IZUMO4: variants seen among roughly 807,000 people sequenced by gnomAD.
IZUMO4 encodes the protein izumo sperm-egg fusion protein 4.
IZUMO4 carries 51 observed loss-of-function variants against 37.1 expected under a neutral mutation model. The observed-to-expected ratio is 1.38, with a 90% CI of 1.10 to 1.74. IZUMO4 has a LOEUF of 1.74. Ranked by LOEUF, IZUMO4 falls within the 40% of genes most tolerant of loss-of-function variation. The probability of loss-of-function intolerance (pLI) is 0.00; values close to 1 mark genes in which losing one functional copy is unlikely to be tolerated. For synonymous variants in IZUMO4, 162 were observed against 121.4 expected (o/e 1.33, Z -2.20); for missense variants, 364 against 299.6 (o/e 1.21, Z -1.59).
At position 2,099,497 on chromosome 19, in the gene IZUMO4, G is replaced by A; in HGVS notation, c.*152G>A. The A allele has an allele frequency of 5.0e-6, 2 of 398,882 alleles. No individual in the cohort carries two copies. Among genetic ancestry groups the A allele is most frequent in the South Asian group, 1.9e-5 (1 of 53,242 alleles). The allele number at this position is 398,882 out of a possible 1,614,324, so 24.7% of individuals were successfully genotyped here. A position where few individuals can be genotyped will look rare whatever the true frequency, so the allele number is the denominator to read the frequency against. On this transcript the variant is annotated 3_prime_UTR_variant, in exon 10 of 10. Coordinates refer to ENST00000395301, the MANE Select transcript of IZUMO4 (RefSeq NM_001039846.2). ...TGGCCAGGGCCAGGAGGGCGGGAGG[G>A]AGGGAATGGGGGTGGGCTGTGCGCA...
At position 2,099,469 on chromosome 19, in the gene IZUMO4, A is replaced by T; in HGVS notation, c.*124A>T. 6 of 409,934 alleles carry T rather than the reference A, an allele frequency of 1.5e-5. No individual in the cohort carries two copies. Among genetic ancestry groups the T allele is most frequent in the Non-Finnish European group, 2.4e-5 (5 of 206,822 alleles). The allele number at this position is 409,934 out of a possible 1,614,324, so 25.4% of individuals were successfully genotyped here. ...CCCTCTCCGACCCCGGACAGAGCTG[A>T]GCTGGCCAGGGCCAGGAGGGCGGGA... On this transcript the variant is annotated 3_prime_UTR_variant, in exon 10 of 10. Transcript: ENST00000395301.
intron 2 of IZUMO4, 44 bp downstream of exon 2, chr19:2,097,376 A>G: frequency 6.9e-7 from 1 of 1,443,428 alleles, no homozygotes; most frequent in Non-Finnish European, 9.6e-7. Context: ...ACCCCGGGAC[A>G]CCCCGCCCAC....
intron 7 of IZUMO4, 107 bp from the exon 8 acceptor site, chr19:2,098,680 G>A: frequency 6.4e-7 from 1 of 1,567,256 alleles, no homozygotes; most frequent in Non-Finnish European, 8.6e-7. Flanking sequence ...GTCCCCATAG[G>A]GTCTGGTTCC....
In IZUMO4 at chr19:2,096,997, T is replaced by C. The variant is rs571264343; in HGVS notation, c.52T>C (p.Cys18Arg). 63 of 1,610,654 alleles carry C rather than the reference T, an allele frequency of 3.9e-5. No individual in the cohort carries two copies. The East Asian group carries it at 1.1e-3, about 28-fold the overall frequency. Residue 18 changes from cysteine (C) to arginine (R), a missense_variant, in exon 1 of 10, where the codon TGT (cysteine) becomes CGT (arginine). Transcript: ENST00000395301. ...VCLTAALAHGCLHCHSNFSKK... is the reference protein window; with the variant it reads ...VCLTAALAHGRLHCHSNFSKK... Reference sequence around the variant, plus strand: ...CCTGACGGCGGCGCTGGCCCACGGCTGTCTGCACTGCCACAGCAACTTCTC... The same window carrying C: ...CCTGACGGCGGCGCTGGCCCACGGCCGTCTGCACTGCCACAGCAACTTCTC...
In IZUMO4 at chr19:2,097,074, G is replaced by A; in HGVS notation, c.129G>A (p.Val43=). 15 of 1,612,828 alleles carry A rather than the reference G, an allele frequency of 9.3e-6. No homozygotes were observed. The highest frequency in any genetic ancestry group is 1.2e-5 in the Non-Finnish European group (14 of 1,179,930). Residue 43 remains valine, a synonymous_variant, in exon 1 of 10, where the codon GTG becomes GTA. Coordinates refer to ENST00000395301, the MANE Select transcript of IZUMO4 (RefSeq NM_001039846.2). Reference sequence around the variant, plus strand: ...ATGTGAACTTCAAGTCCTGGTGGGTGGGCGACATCCCCGTGTCAGGGGCGC... The same window carrying A: ...ATGTGAACTTCAAGTCCTGGTGGGTAGGCGACATCCCCGTGTCAGGGGCGC... The part of the protein sequence containing the change: ...RHHVNFKSWW[V]GDIPVSGALL...
At position 2,097,248 on chromosome 19, in the gene IZUMO4, G is replaced by A; in HGVS notation, c.218-4G>A. The A allele has an allele frequency of 6.2e-7, 1 of 1,611,744 alleles. No individual in the cohort carries two copies. The highest frequency in any genetic ancestry group is 8.5e-7 in the Non-Finnish European group (1 of 1,179,230). On this transcript the variant is annotated splice_polypyrimidine_tract_variant and splice_region_variant and intron_variant, in intron 1 of 9. Transcript: ENST00000395301. ...GGTCACCTGGCTTCTCCTCCTGCCC[G>A]CAGCCCGGGAGAAGCTGGACCAAGT...
At chr19:2,098,697 T>C (rs1214521554) in intron 7 of IZUMO4, 90 bp from the exon 8 acceptor site, 4 of 1,576,338 alleles carry the variant, frequency 2.5e-6, no homozygotes, top group Non-Finnish European at 3.4e-6. Flanking sequence ...TTCCACCCCA[T>C]CCCAGGTCTG....
At chr19:2,098,241 G>T in intron 5 of IZUMO4, 46 bp from the exon 6 acceptor site, 1 of 1,613,116 alleles carries the variant, frequency 6.2e-7, no homozygotes. Context: ...GGTAGGGCGG[G>T]GCCGTGGGTT....
intron 7 of IZUMO4, 46 bp from the exon 8 acceptor site, chr19:2,098,741 T>A (rs1280682244): frequency 1.2e-6 from 2 of 1,604,550 alleles, no homozygotes; most frequent in East Asian, 2.2e-5. Flanking sequence ...CTACGATGGT[T>A]AGGGGTGCCC....
chr19:2,097,570 G>A (rs765639267), intron 3 of IZUMO4, 75 bp downstream of exon 3: 2 of 1,313,570 alleles, frequency 1.5e-6, no homozygotes, highest in South Asian at 2.4e-5. Flanking sequence ...GCTGAGGCTG[G>A]AGTGATGTGA....
chr19:2,098,505 G>T, intron 7 of IZUMO4, 55 bp downstream of exon 7: 1 of 1,612,780 alleles, frequency 6.2e-7, no homozygotes. Flanking sequence ...GCACCTCGTG[G>T]GTGAGTATGT....
chr19:2,097,150 C>A lies in IZUMO4; in HGVS notation c.205C>A (p.Pro69Thr), dbSNP rs1430231763. ...GATGAAGGAGCTGCACCTGGCCATC[C>A]CCGCCAAGATCAGTGAGTGCCGGAG... Reference protein sequence around the residue: ...DTMKELHLAIPAKITREKLDQ... With the variant: ...DTMKELHLAITAKITREKLDQ... The change falls in exon 1 of 10, where the codon CCC (proline) becomes ACC (threonine). Residue 69 changes from proline (P) to threonine (T), a missense_variant. Physicochemically the swap from Pro to Thr is conservative, Grantham distance 38 (BLOSUM62 -1). Transcript: ENST00000395301. The A allele has an allele frequency of 1.9e-6, 3 of 1,610,756 alleles. No homozygotes were observed. The South Asian group carries it at 3.3e-5, about 18-fold the overall frequency.
At position 2,099,017 on chromosome 19, in the gene IZUMO4, C is replaced by T. The variant is rs1299299186; in HGVS notation, c.596C>T (p.Ala199Val). ...TTCTCCTGGCCTGGGACACACAGAG[C>T]CACCCCGGCCTTGTGAGTGACCCAG... is the stretch of plus-strand genomic sequence containing the variant. ...SAFSWPGTHRATPAFLVSPAL... is the reference protein window; with the variant it reads ...SAFSWPGTHRVTPAFLVSPAL... The change falls in exon 9 of 10, where the codon GCC becomes GTC. Residue 199 changes from alanine to valine, a missense_variant. Physicochemically the swap from Ala to Val is moderately conservative, Grantham distance 64. Transcript: ENST00000395301. The T allele has an allele frequency of 2.5e-6, 4 of 1,613,000 alleles. No individual in the cohort carries two copies. The highest frequency in any genetic ancestry group is 1.3e-5 in the African/African-American group (1 of 75,030).
At chr19:2,098,870 G>T in intron 8 of IZUMO4, 66 bp downstream of exon 8, 1 of 1,552,118 alleles carries the variant, frequency 6.4e-7, no homozygotes, top group Non-Finnish European at 8.9e-7. Context: ...GGGCTAGGGG[G>T]TCCTCTAGAT....
intron 9 of IZUMO4, 73 bp downstream of exon 9, chr19:2,099,102 C>G: frequency 6.8e-7 from 1 of 1,460,326 alleles, no homozygotes; most frequent in Non-Finnish European, 9.6e-7. Context: ...CCGCGGCCTG[C>G]ACACCCTGCT....
At chr19:2,099,204 A>C (rs368567872) in intron 9 of IZUMO4, 51 bp from the exon 10 acceptor site, 23 of 1,521,890 alleles carry the variant, frequency 1.5e-5, no homozygotes, top group Non-Finnish European at 2.1e-5. Context: ...CCAGGGAGGG[A>C]GGCAGGGGGT....
chr19:2,098,751 C>T (rs769746148), intron 7 of IZUMO4, 36 bp from the exon 8 acceptor site: 15 of 1,605,366 alleles, frequency 9.3e-6, no homozygotes, highest in South Asian at 5.5e-5. Context: ...TAGGGGTGCC[C>T]CATGGAGGGG....
intron 9 of IZUMO4, 49 bp from the exon 10 acceptor site, chr19:2,099,206 G>A (rs371891840): frequency 2.9e-5 from 45 of 1,543,034 alleles, no homozygotes; most frequent in South Asian, 8.9e-5. Flanking sequence ...AGGGAGGGAG[G>A]CAGGGGGTGG....
intron 9 of IZUMO4, 37 bp from the exon 10 acceptor site, chr19:2,099,218 G>C: frequency 5.7e-6 from 9 of 1,574,784 alleles, no homozygotes; most frequent in Non-Finnish European, 7.9e-6. Context: ...AGGGGGTGGG[G>C]GACATGGAGA....
Sources: gnomAD v4.1 joint callset for allele counts on GRCh38, gnomAD v4.1.1 for gene constraint, MANE v1.5 for transcripts, NCBI Gene and HGNC (gene_info 2026-07-23, HGNC 2026-07-21) for gene names.